Variants in TSHZ2 observed in about 807,000 individuals in gnomAD.
The protein encoded by TSHZ2 is teashirt zinc finger homeobox 2, also known as teashirt homolog 2.
Under a neutral mutation model 74.4 loss-of-function variants are expected in TSHZ2, and 21 were observed. The observed-to-expected ratio is 0.28, with a 90% CI of 0.20 to 0.41. TSHZ2 has a LOEUF of 0.41. Ranked by LOEUF, TSHZ2 falls within the 10% of genes least tolerant of loss-of-function variation. TSHZ2 has a pLI of 1.00. For missense variants in TSHZ2, 1,244 were observed against 1,293.5 expected, an observed-to-expected ratio of 0.96 and a Z score of 0.59; for synonymous variants, 540 against 515.3, an observed-to-expected ratio of 1.05 and a Z score of -0.65.
intron 1 of TSHZ2, among the ~76,000 whole-genome samples, chr20:53,014,195 CAGAGAGAGAGAG>C (rs10539599): frequency 1.3e-5 from 2 of 149,946 alleles, no homozygotes; most frequent in African/African-American, 4.9e-5. Flanking sequence ...CTTCATACGG[CAGAGAGAGAGAG>C]AGAGAGAGAG....
intron 1 of TSHZ2, among the ~76,000 whole-genome samples, chr20:53,146,082 T>A (rs1189131983): frequency 6.6e-6 from 1 of 152,074 alleles, no homozygotes. Context: ...AAATAGCCTG[T>A]GCTGAGGGGT....
At chr20:53,042,716 A>AC (rs1984087949) in intron 1 of TSHZ2, among the ~76,000 whole-genome samples, 1 of 150,894 alleles carries the variant, frequency 6.6e-6, no homozygotes, top group Non-Finnish European at 1.5e-5. Flanking sequence ...AAAAAAAAAA[A>AC]ACACTGGAAT....
At chr20:53,162,445 T>A (rs1954542) in intron 1 of TSHZ2, among the ~76,000 whole-genome samples, 5 of 152,242 alleles carry the variant, frequency 3.3e-5, no homozygotes, top group Non-Finnish European at 7.3e-5. Context: ...TCCTCTTTTG[T>A]ATCTTTCCTG....
chr20:53,088,957 G>C (rs1271557363), intron 1 of TSHZ2, among the ~76,000 whole-genome samples: 1 of 152,012 alleles, frequency 6.6e-6, no homozygotes. Flanking sequence ...TGCATTCTTC[G>C]GCTGGCTCAG....
At chr20:53,333,057 G>T (rs893634824) in intron 2 of TSHZ2, among the ~76,000 whole-genome samples, 1 of 152,090 alleles carries the variant, frequency 6.6e-6, no homozygotes, top group African/African-American at 2.4e-5. Context: ...AACTCAGAAG[G>T]TATCTCCCTC....
At chr20:53,289,667 G>T (rs554435957) in intron 2 of TSHZ2, among the ~76,000 whole-genome samples, 2 of 152,274 alleles carry the variant, frequency 1.3e-5, no homozygotes, top group South Asian at 4.1e-4. Context: ...TAGAGACATG[G>T]TTTAGGGAAA....
chr20:53,197,503 C>T (rs1988901432), intron 1 of TSHZ2, among the ~76,000 whole-genome samples: 1 of 152,240 alleles, frequency 6.6e-6, no homozygotes, highest in East Asian at 1.9e-4. Flanking sequence ...CAAATCCTCC[C>T]AAAGGTTTAA....
chr20:53,291,472 CAAAAA>C (rs11478745), intron 2 of TSHZ2, among the ~76,000 whole-genome samples: 6 of 101,722 alleles, frequency 5.9e-5, no homozygotes, highest in South Asian at 3.7e-4. Context: ...GACTCTGTCT[CAAAAA>C]AAAAAAAAAA....
At chr20:53,160,413 A>G (rs1156970347) in intron 1 of TSHZ2, among the ~76,000 whole-genome samples, 1 of 152,142 alleles carries the variant, frequency 6.6e-6, no homozygotes, top group African/African-American at 2.4e-5. Flanking sequence ...TCTGTTGTTC[A>G]GTTCAGGCAT....
At chr20:53,263,351 G>T (rs561417257) in intron 2 of TSHZ2, among the ~76,000 whole-genome samples, 1 of 152,126 alleles carries the variant, frequency 6.6e-6, no homozygotes, top group Non-Finnish European at 1.5e-5. Context: ...TTTATTTGCC[G>T]CAAACAGTGG....
At chr20:53,435,290 A>C (rs1479723368) in intron 2 of TSHZ2, among the ~76,000 whole-genome samples, 1 of 152,232 alleles carries the variant, frequency 6.6e-6, no homozygotes, top group Admixed American at 6.5e-5. Flanking sequence ...CAAGACCATC[A>C]GGAAACTTTT....
chr20:52,994,444 G>GT (rs1982103975), intron 1 of TSHZ2, among the ~76,000 whole-genome samples: 1 of 140,276 alleles, frequency 7.1e-6, no homozygotes, highest in Non-Finnish European at 1.6e-5. Context: ...ATGAGTGAAT[G>GT]AATGGACGGA....
intron 1 of TSHZ2, among the ~76,000 whole-genome samples, chr20:53,039,130 C>T (rs1401904017): frequency 2.3e-5 from 2 of 86,324 alleles, no homozygotes; most frequent in Non-Finnish European, 4.0e-5. Flanking sequence ...AGGTGATCCA[C>T]CCACTTCCAC....
intron 2 of TSHZ2, among the ~76,000 whole-genome samples, chr20:53,454,632 A>G (rs1009818934): frequency 6.6e-6 from 1 of 151,874 alleles, no homozygotes; most frequent in Non-Finnish European, 1.5e-5. Context: ...CCCATCCTTC[A>G]GGTCTTCATT....
rs1985314218 is a variant in TSHZ2 at position 53,074,753 on chromosome 20, G to GC, written c.40+101422dup. Among the ~76,000 whole-genome samples the GC allele has an allele frequency of 6.6e-6, 1 of 152,182 alleles. No homozygotes were observed. ...AAAAATTCAGGCACATCTACTCTGT[G>GC]CCAGGGAAGGTGCTGAAGGAACTAG... On this transcript the variant is annotated intron_variant, in intron 1 of 2. Coordinates refer to ENST00000371497, the MANE Select transcript of TSHZ2 (RefSeq NM_173485.6). The surrounding 1 kb of genome is among the most constrained non-coding windows in gnomAD (Gnocchi z 5.9).
chr20:53,427,436 C>G (rs1361289144), intron 2 of TSHZ2, among the ~76,000 whole-genome samples: 6 of 152,176 alleles, frequency 3.9e-5, no homozygotes, highest in Non-Finnish European at 8.8e-5. Context: ...ACCACCCACC[C>G]CTGTCGACTT....
At chr20:53,385,839 G>T (rs1318950227) in intron 2 of TSHZ2, among the ~76,000 whole-genome samples, 1 of 152,170 alleles carries the variant, frequency 6.6e-6, no homozygotes, top group Non-Finnish European at 1.5e-5. Flanking sequence ...AATCTGAAAA[G>T]AAAGCTGGAG....
At chr20:53,341,227 A>G (rs969358306) in intron 2 of TSHZ2, among the ~76,000 whole-genome samples, 2 of 152,078 alleles carry the variant, frequency 1.3e-5, no homozygotes, top group Non-Finnish European at 2.9e-5. Flanking sequence ...AGCTTCCCTT[A>G]TCCACCTCCG....
At chr20:53,201,395 C>G (rs1989000173) in intron 1 of TSHZ2, among the ~76,000 whole-genome samples, 1 of 152,026 alleles carries the variant, frequency 6.6e-6, no homozygotes, top group South Asian at 2.1e-4. Context: ...GCTCAGGGCT[C>G]CCTTCCATTT....
Sources: gnomAD v4.1 joint callset for allele counts (sites outside exome capture counted in the v4.1 genomes callset) on GRCh38, gnomAD v4.1.1 for gene constraint, Gnocchi (gnomAD v3.1) non-coding constraint, MANE v1.5 for transcripts, NCBI Gene and HGNC (gene_info 2026-07-23, HGNC 2026-07-21) for gene names.